The following P4HA3 variants were observed in gnomAD, a reference collection of about 807,000 sequenced individuals.
P4HA3 encodes prolyl 4-hydroxylase subunit alpha 3, also known as prolyl 4-hydroxylase subunit alpha-3.
P4HA3 carries 60 observed loss-of-function variants against 66.7 expected under a neutral mutation model. The observed-to-expected ratio is 0.90, with a 90% CI of 0.73 to 1.12. The LOEUF is 1.12. P4HA3 is among the 50% of genes most tolerant of loss of function. The pLI is 0.00. For synonymous variants in P4HA3, 263 were observed against 274.6 expected, an observed-to-expected ratio of 0.96 and a Z score of 0.42; for missense variants, 683 against 685.8, an observed-to-expected ratio of 1.00 and a Z score of 0.05.
At chr11:74,269,542 T>C (rs1267329368) in intron 11 of P4HA3, 110 bp downstream of exon 11, 5 of 1,144,468 alleles carry the variant, frequency 4.4e-6, no homozygotes, top group Non-Finnish European at 6.1e-6. Flanking sequence ...GGAAGACCTC[T>C]TTTTGGCCCT....
At chr11:74,296,845 C>T (rs147656475) in intron 4 of P4HA3, among the ~76,000 whole-genome samples, 2 of 152,096 alleles carry the variant, frequency 1.3e-5, no homozygotes, top group African/African-American at 2.4e-5. Flanking sequence ...CCCCTTCCTA[C>T]ATCACAGTTA....
chr11:74,307,021 T>C (rs558502086), intron 1 of P4HA3, among the ~76,000 whole-genome samples: 1 of 152,200 alleles, frequency 6.6e-6, no homozygotes, highest in East Asian at 1.9e-4. Context: ...TGAAAAATCT[T>C]AACAAGCGGA....
intron 4 of P4HA3, among the ~76,000 whole-genome samples, chr11:74,296,394 T>C (rs1307075949): frequency 6.6e-6 from 1 of 152,182 alleles, no homozygotes; most frequent in Non-Finnish European, 1.5e-5. Context: ...TGAAATAAAA[T>C]ACATTAAATT....
At chr11:74,289,216 A>AG in intron 4 of P4HA3, 86 bp from the exon 5 acceptor site, 1 of 1,187,652 alleles carries the variant, frequency 8.4e-7, no homozygotes, top group Non-Finnish European at 1.1e-6. Flanking sequence ...AAAAAAAAAA[A>AG]AGATAAAATA....
rs1861298305 is a variant in P4HA3 at position 74,298,463 on chromosome 11, G to T, written c.568-102C>A. Reference sequence around the variant, plus strand: ...AGGGACTTTGGAATCCAAGAAGGCAGGTTTTAATTTCAAATTCATTTTAAT... The same window carrying T: ...AGGGACTTTGGAATCCAAGAAGGCATGTTTTAATTTCAAATTCATTTTAAT... On this transcript the variant is annotated intron_variant, in intron 3 of 12. Transcript: ENST00000331597. 20 of 1,354,138 alleles carry T rather than the reference G, an allele frequency of 1.5e-5. 1 individual carries two copies. The South Asian group carries it at 2.8e-4, about 19-fold the overall frequency. 83.9% of individuals were successfully genotyped at this position (1,354,138 alleles called of 1,614,324 possible). A position where few individuals can be genotyped will look rare whatever the true frequency, so the allele number is the denominator to read the frequency against.
At chr11:74,310,754 T>A (rs1001413698) in intron 1 of P4HA3, among the ~76,000 whole-genome samples, 5 of 152,214 alleles carry the variant, frequency 3.3e-5, no homozygotes, top group African/African-American at 4.8e-5. Context: ...ATCATTCACA[T>A]GCAGAGTATG....
intron 8 of P4HA3, 65 bp downstream of exon 8, chr11:74,279,323 G>T: frequency 6.8e-7 from 1 of 1,471,288 alleles, no homozygotes; most frequent in Non-Finnish European, 9.5e-7. Context: ...GTTGCTGACT[G>T]GCAGTCAGCT....
chr11:74,273,325 A>G (rs1860270641), intron 10 of P4HA3, among the ~76,000 whole-genome samples: 1 of 152,098 alleles, frequency 6.6e-6, no homozygotes, highest in Non-Finnish European at 1.5e-5. Flanking sequence ...TCATATTTAG[A>G]TTTACACACT....
In P4HA3 at chr11:74,298,215, G is replaced by A. The variant is rs775267617; in HGVS notation, c.714C>T (p.Phe238=). 1.6e-5 allele frequency: 26 copies of A among 1,613,394 alleles called. No individual in the cohort carries two copies. The highest frequency in any genetic ancestry group is 2.2e-5 in the Non-Finnish European group (26 of 1,179,648). ...DALDHLAFAY[F]RAGNVSCALS... is the part of the protein sequence containing the mutation. The stretch of plus-strand genomic sequence containing the variant: ...TGAGCTTCACTTACTCCCTTACCCG[G>A]AAATAAGCAAAGGCCAAGTGATCCA... The change falls in exon 4 of 13, where the codon TTC becomes TTT. Residue 238 remains phenylalanine, a synonymous_variant. Coordinates refer to ENST00000331597, the MANE Select transcript of P4HA3 (RefSeq NM_182904.5).
chr11:74,272,219 T>C lies in P4HA3; in HGVS notation c.1398+1326A>G, dbSNP rs12283740. 8.0e-5 allele frequency among the ~76,000 whole-genome samples: 12 copies of C among 150,508 alleles called. No homozygotes were observed. In the East Asian group the frequency reaches 1.2e-3, roughly 15 times the overall value. On this transcript the variant is annotated intron_variant, in intron 10 of 12. Transcript: ENST00000331597. ...GTGCATGAGAGTGCATGCACACACA[T>C]ACACACACACACACACACACACATG...
intron 15 of P4HA3, chr11:74,254,833 C>G (rs1859793186): frequency 6.6e-6 from 1 of 152,476 alleles, no homozygotes; most frequent in Admixed American, 6.5e-5. Context: ...GTGTTATGCT[C>G]TGCCTGTCCC....
chr11:74,250,297 C>G (rs946059332), intron 15 of P4HA3: 5 of 152,128 alleles, frequency 3.3e-5, no homozygotes, highest in African/African-American at 1.2e-4. Context: ...CAATCATTGT[C>G]GCATTAGTTA....
intron 1 of P4HA3, among the ~76,000 whole-genome samples, chr11:74,306,435 G>A (rs887967352): frequency 2.0e-5 from 3 of 152,058 alleles, no homozygotes; most frequent in Non-Finnish European, 1.5e-5. Flanking sequence ...GCAGATTAAG[G>A]TACTATTCCT....
At chr11:74,252,524 C>G (rs1859729585) in intron 15 of P4HA3, 1 of 455,728 alleles carries the variant, frequency 2.2e-6, no homozygotes, top group African/African-American at 2.0e-5. Flanking sequence ...AGAATATTAG[C>G]CACTCTGCAG....
At chr11:74,253,240 C>A (rs1041177965) in intron 15 of P4HA3, among the ~76,000 whole-genome samples, 2 of 152,068 alleles carry the variant, frequency 1.3e-5, no homozygotes, top group African/African-American at 4.8e-5. Context: ...ATCCCAGGAA[C>A]CAACAATAAA....
At chr11:74,269,622 C>T (rs1860119290) in intron 11 of P4HA3, 30 bp downstream of exon 11, 2 of 1,604,172 alleles carry the variant, frequency 1.2e-6, no homozygotes, top group East Asian at 4.5e-5. Flanking sequence ...CTCCCTCAAC[C>T]CCGTCTTCTG....
At chr11:74,302,723 G>A in intron 2 of P4HA3, 131 bp from the exon 3 acceptor site, 1 of 814,654 alleles carries the variant, frequency 1.2e-6, no homozygotes, top group Non-Finnish European at 1.9e-6. Flanking sequence ...GTTCCCAGAG[G>A]CAAGCACAGT....
At chr11:74,251,969 T>A in intron 15 of P4HA3, 1 of 682,430 alleles carries the variant, frequency 1.5e-6, no homozygotes, top group Non-Finnish European at 2.7e-6. Context: ...CCCACTGTGA[T>A]GTGCATTTCT....
In P4HA3 at chr11:74,291,658, T is replaced by C. The variant is rs372162876; in HGVS notation, c.718-2528A>G. Among the ~76,000 whole-genome samples, 15 of 152,238 alleles carry C rather than the reference T, an allele frequency of 9.9e-5. No homozygotes were observed. The South Asian group carries it at 2.1e-3, about 21-fold the overall frequency. On this transcript the variant is annotated intron_variant, in intron 4 of 12. Coordinates refer to ENST00000331597, the MANE Select transcript of P4HA3 (RefSeq NM_182904.5). Reference sequence around the variant, plus strand: ...TATTGAGAGTTTTTAGCATGAAGGGTTGTTGAATTTTGTCAAAGGACTTTT... The same window carrying C: ...TATTGAGAGTTTTTAGCATGAAGGGCTGTTGAATTTTGTCAAAGGACTTTT...
Sources: gnomAD v4.1 joint callset for allele counts (sites outside exome capture counted in the v4.1 genomes callset) on GRCh38, gnomAD v4.1.1 for gene constraint, MANE v1.5 for transcripts, NCBI Gene and HGNC (gene_info 2026-07-23, HGNC 2026-07-21) for gene names.